KLF12: variants seen among roughly 807,000 people sequenced by gnomAD.
KLF12 encodes KLF transcription factor 12, also known as Krueppel-like factor 12.
In KLF12, 9 loss-of-function variants were observed where a neutral mutation model predicts 37.8. The observed-to-expected ratio is 0.24, with a 90% CI of 0.14 to 0.42. The LOEUF (loss-of-function observed/expected upper bound fraction) is 0.42. Among genes scored for constraint, KLF12 ranks in the 10% least tolerant of loss-of-function variants. The pLI is 1.00. For synonymous variants in KLF12, 208 were observed against 202.1 expected (o/e 1.03, Z -0.25); for missense variants, 411 against 516.0 (o/e 0.80, Z 1.97).
the KLF12 span, among the ~76,000 whole-genome samples, chr13:74,290,474 C>T: frequency 3.3e-5 from 5 of 152,318 alleles, no homozygotes; most frequent in Admixed American, 3.3e-4. Context: ...TCACTACCTC[C>T]CTCCACCCCT....
chr13:74,229,273 T>A, the KLF12 span, among the ~76,000 whole-genome samples: 1 of 152,192 alleles, frequency 6.6e-6, no homozygotes, highest in African/African-American at 2.4e-5. Flanking sequence ...TGAACCAAGA[T>A]AAAAATACAT....
chr13:73,715,288 A>G, intron 7 of KLF12, 80 bp downstream of exon 7: 1 of 1,276,610 alleles, frequency 7.8e-7, no homozygotes, highest in Non-Finnish European at 1.1e-6. Context: ...ATGAATGAGT[A>G]CGAAAGGCTC....
At chr13:73,966,376 A>T (rs1165984023) in intron 2 of KLF12, among the ~76,000 whole-genome samples, 1 of 152,222 alleles carries the variant, frequency 6.6e-6, no homozygotes, top group Non-Finnish European at 1.5e-5. Flanking sequence ...TTTGATAAAG[A>T]GAACTAAAAG....
the KLF12 span, among the ~76,000 whole-genome samples, chr13:74,205,249 A>G: frequency 6.6e-6 from 1 of 152,138 alleles, no homozygotes; most frequent in African/African-American, 2.4e-5. Context: ...AATTAACCCA[A>G]CTTAGTGAAT....
chr13:74,155,309 TAA>T, the KLF12 span, among the ~76,000 whole-genome samples: 2 of 152,182 alleles, frequency 1.3e-5, no homozygotes, highest in Non-Finnish European at 2.9e-5. Flanking sequence ...CAAGTTAAAT[TAA>T]GTCAGTTATA....
intron 7 of KLF12, among the ~76,000 whole-genome samples, chr13:73,701,699 C>T (rs567887069): frequency 6.6e-6 from 1 of 152,110 alleles, no homozygotes; most frequent in Non-Finnish European, 1.5e-5. Flanking sequence ...TCAAAGGACA[C>T]TAGTTGGGTA....
chr13:73,697,492 A>C (rs948503266), intron 7 of KLF12, among the ~76,000 whole-genome samples: 1 of 152,236 alleles, frequency 6.6e-6, no homozygotes, highest in Non-Finnish European at 1.5e-5. Flanking sequence ...GTTTGACAGA[A>C]ATGAAACAAA....
intron 4 of KLF12, among the ~76,000 whole-genome samples, chr13:73,835,300 G>T (rs371907444): frequency 1.3e-5 from 2 of 152,026 alleles, no homozygotes; most frequent in African/African-American, 2.4e-5. Context: ...TAGAGTTCTC[G>T]TGTCTTTCAG....
At chr13:74,209,399 T>C in the KLF12 span, among the ~76,000 whole-genome samples, 1 of 152,082 alleles carries the variant, frequency 6.6e-6, no homozygotes, top group Admixed American at 6.6e-5. Context: ...TGGGATTGAT[T>C]TTTAGCCATT....
intron 2 of KLF12, among the ~76,000 whole-genome samples, chr13:73,981,975 A>AT (rs1231959068): frequency 1.3e-5 from 2 of 152,124 alleles, no homozygotes; most frequent in Admixed American, 6.5e-5. Flanking sequence ...GAAACAATCT[A>AT]CTTTTTTAAG....
intron 6 of KLF12, among the ~76,000 whole-genome samples, chr13:73,753,578 G>A (rs1878935499): frequency 1.3e-5 from 2 of 151,802 alleles, no homozygotes; most frequent in Admixed American, 6.6e-5. Context: ...GAAAGTGGCT[G>A]GATCATTGCA....
chr13:73,949,258 G>C (rs546287208), intron 2 of KLF12, among the ~76,000 whole-genome samples: 1 of 152,174 alleles, frequency 6.6e-6, no homozygotes, highest in African/African-American at 2.4e-5. Flanking sequence ...AAAAAAATAT[G>C]AACACCTTAT....
intron 1 of KLF12, among the ~76,000 whole-genome samples, chr13:74,102,882 A>G (rs1876440780): frequency 6.6e-6 from 1 of 152,218 alleles, no homozygotes; most frequent in Non-Finnish European, 1.5e-5. Flanking sequence ...CACCACCATA[A>G]GAGCAAAGAG....
At chr13:73,699,201 C>A (rs1179369914) in intron 7 of KLF12, among the ~76,000 whole-genome samples, 1 of 138,666 alleles carries the variant, frequency 7.2e-6, no homozygotes, top group Non-Finnish European at 1.6e-5. Flanking sequence ...CACCCCCCCA[C>A]TGCAATCTCT....
At chr13:73,977,701 T>C (rs983362334) in intron 2 of KLF12, among the ~76,000 whole-genome samples, 1 of 152,144 alleles carries the variant, frequency 6.6e-6, no homozygotes, top group African/African-American at 2.4e-5. Context: ...AGAAATGACA[T>C]TACCTGACTC....
At chr13:73,901,298 T>TCAA (rs146497230) in intron 3 of KLF12, among the ~76,000 whole-genome samples, 7,137 of 152,214 alleles carry the variant, frequency 0.047, 381 homozygotes, top group African/African-American at 0.13. Flanking sequence ...CCACCCACAT[T>TCAA]CAACCTTTTT....
chr13:74,182,233 TAAAC>T, the KLF12 span, among the ~76,000 whole-genome samples: 1 of 152,192 alleles, frequency 6.6e-6, no homozygotes, highest in African/African-American at 2.4e-5. Flanking sequence ...AGGAGAAAAA[TAAAC>T]AAATTGGGAA....
the KLF12 span, among the ~76,000 whole-genome samples, chr13:74,247,657 G>A: frequency 6.6e-6 from 1 of 151,772 alleles, no homozygotes; most frequent in Non-Finnish European, 1.5e-5. Flanking sequence ...TTTTTGTAGA[G>A]GCTGGGGTCT....
At chr13:74,080,326 T>C (rs1489944445) in intron 1 of KLF12, among the ~76,000 whole-genome samples, 2 of 152,026 alleles carry the variant, frequency 1.3e-5, no homozygotes, top group Non-Finnish European at 1.5e-5. Flanking sequence ...TGCACACCTG[T>C]AGCTACAGCT....
Sources: allele counts gnomAD v4.1 joint callset (sites outside exome capture counted in the v4.1 genomes callset), GRCh38; gene constraint gnomAD v4.1.1; transcripts MANE v1.5; gene names NCBI Gene and HGNC (gene_info 2026-07-23, HGNC 2026-07-21).